The following PIPOX variants were observed in gnomAD, a reference collection of about 807,000 sequenced individuals.
PIPOX encodes the protein pipecolic acid and sarcosine oxidase, also known as peroxisomal sarcosine oxidase.
PIPOX carries 45 observed loss-of-function variants against 47.9 expected under a neutral mutation model. The ratio of observed to expected loss-of-function variants is 0.94; its 90% CI spans 0.74 to 1.20. The LOEUF (loss-of-function observed/expected upper bound fraction) is 1.20. Among genes scored for constraint, PIPOX ranks in the 50% most tolerant of loss-of-function variants. The pLI is 0.00. For missense variants in PIPOX, 458 were observed against 498.4 expected, an observed-to-expected ratio of 0.92 and a Z score of 0.77; for synonymous variants, 165 against 191.3, an observed-to-expected ratio of 0.86 and a Z score of 1.13.
chr17:29,053,493 G>A lies in PIPOX; in HGVS notation c.558G>A (p.Val186=), dbSNP rs747182687. The part of the protein sequence containing the change: ...VEINPGLLVT[V]KTTSRSYQAK... ...TAAACCCAGGGCTACTGGTCACGGT[G>A]AAAACCACCTCCAGGAGCTACCAAG... The change falls in exon 4 of 8, where the codon GTG becomes GTA. Residue 186 remains valine, a synonymous_variant. Transcript: ENST00000323372. 28 of 1,614,052 alleles carry A rather than the reference G, an allele frequency of 1.7e-5. No homozygotes were observed. The highest frequency in any genetic ancestry group is 2.2e-5 in the Non-Finnish European group (26 of 1,180,000).
chr17:29,053,723 A>G (rs546284224), intron 4 of PIPOX, 128 bp downstream of exon 4: 22 of 582,646 alleles, frequency 3.8e-5, no homozygotes, highest in Admixed American at 6.2e-5. Context: ...CACCTCACCG[A>G]GCCTCAGTTT....
chr17:29,046,368 A>G (rs1207756612), intron 2 of PIPOX, among the ~76,000 whole-genome samples: 1 of 152,158 alleles, frequency 6.6e-6, no homozygotes, highest in African/African-American at 2.4e-5. Context: ...AGTGTCTGGA[A>G]TCTTTCCGAG....
In PIPOX at chr17:29,044,892, G is replaced by A; in HGVS notation, c.148G>A (p.Gly50Arg). The change falls in exon 2 of 8, where the codon GGA becomes AGA. Residue 50 changes from glycine to arginine, a missense_variant. By Grantham distance (125) the Gly-to-Arg change is moderately radical (BLOSUM62 -2). Transcript: ENST00000323372. The part of the protein sequence containing the change: ...FLPHSRGSSH[G>R]QSRIIRKAYL... ...ACCACACTCCCGAGGAAGCTCCCAT[G>A]GACAAAGCCGGATAATCCGAAAGGC... The A allele has an allele frequency of 6.2e-7, 1 of 1,613,956 alleles. No individual in the cohort carries two copies. Among genetic ancestry groups the A allele is most frequent in the African/African-American group, 1.3e-5 (1 of 75,030 alleles).
Position 29,053,567 on chromosome 17 carries a change from GT to G in PIPOX, c.633del (p.Leu213TrpfsTer55). The G allele has an allele frequency of 6.2e-7, 1 of 1,601,358 alleles. No individual in the cohort carries two copies. Among genetic ancestry groups the G allele is most frequent in the Non-Finnish European group, 8.5e-7 (1 of 1,170,388 alleles). ...TAGPWTNQLL[R>X]PLGIEMPLQT... Reference sequence around the variant, plus strand: ...GGTCCTTGGACCAACCAGCTCCTCCGTCCCCTGGGCATTGAGATGCCTCTCC... The same window carrying G: ...GGTCCTTGGACCAACCAGCTCCTCCGCCCCTGGGCATTGAGATGCCTCTCC... On this transcript the variant is annotated frameshift_variant, in exon 4 of 8. Coordinates refer to ENST00000323372, the MANE Select transcript of PIPOX (RefSeq NM_016518.3). LOFTEE classifies it high-confidence loss of function.
rs1021198078 is a variant in PIPOX, at chr17:29,056,414, G to A, written c.*109G>A. On this transcript the variant is annotated 3_prime_UTR_variant, in exon 8 of 8. Coordinates refer to ENST00000323372, the MANE Select transcript of PIPOX (RefSeq NM_016518.3). ...AGATATCATCCTTTTCTTCTGCCTC[G>A]CCTGAATCCCCCATAAACACCAGAT... The A allele has an allele frequency of 3.8e-5, 49 of 1,295,228 alleles. No individual in the cohort carries two copies. Among genetic ancestry groups the A allele is most frequent in the African/African-American group, 2.8e-4 (19 of 67,982 alleles). 80.2% of individuals were successfully genotyped at this position (1,295,228 alleles called of 1,614,324 possible). A position where few individuals can be genotyped will look rare whatever the true frequency, so the allele number is the denominator to read the frequency against.
At chr17:29,050,980 G>A (rs554423979) in intron 2 of PIPOX, among the ~76,000 whole-genome samples, 1 of 152,066 alleles carries the variant, frequency 6.6e-6, no homozygotes, top group South Asian at 2.1e-4. Flanking sequence ...AAATGAGCCG[G>A]GTGTGGTGGT....
rs771623213 is a variant in PIPOX at position 29,053,020 on chromosome 17, T to G, written c.364T>G (p.Ser122Ala). 5 of 1,614,262 alleles carry G rather than the reference T, an allele frequency of 3.1e-6. No homozygotes were observed. The South Asian group carries it at 3.3e-5, about 11-fold the overall frequency. Reference sequence around the variant, plus strand: ...GAGGGTAGAACACCAGTGTCTTTCATCTGAGGAACTGAAGCAACGTTTCCC... The same window carrying G: ...GAGGGTAGAACACCAGTGTCTTTCAGCTGAGGAACTGAAGCAACGTTTCCC... ...RQRVEHQCLS[S>A]EELKQRFPNI... The change falls in exon 3 of 8, where the codon TCT becomes GCT. Residue 122 changes from serine (S) to alanine (A), a missense_variant. Physicochemically the swap from Ser to Ala is moderately conservative, Grantham distance 99. Transcript: ENST00000323372.
rs375113326 is a variant in PIPOX at position 29,052,959 on chromosome 17, A to G, written c.303A>G (p.Gln101=). 1 of 1,614,272 alleles carries G rather than the reference A, an allele frequency of 6.2e-7. No homozygotes were observed. Residue 101 remains glutamine (Q), a synonymous_variant, in exon 3 of 8, where the codon CAA becomes CAG. Coordinates refer to ENST00000323372, the MANE Select transcript of PIPOX (RefSeq NM_016518.3). ...TGCTGCTGGGAATGAAAGAGAATCA[A>G]GAATTAAAGACAATCCAGGCCAATC... ...GLLLLGMKEN[Q]ELKTIQANLS...
At chr17:29,056,139 G>A (rs2065827175) in intron 7 of PIPOX, 36 bp from the exon 8 acceptor site, 3 of 1,612,916 alleles carry the variant, frequency 1.9e-6, no homozygotes, top group Non-Finnish European at 2.5e-6. Flanking sequence ...ACCTCTGTCT[G>A]TGAAGCTGCC....
chr17:29,044,931 T>G lies in PIPOX; in HGVS notation c.187T>G (p.Phe63Val). 1 of 1,614,130 alleles carries G rather than the reference T, an allele frequency of 6.2e-7. No homozygotes were observed. Residue 63 changes from phenylalanine to valine, a missense_variant, in exon 2 of 8, where the codon TTT becomes GTT. Physicochemically the swap from Phe to Val is conservative, Grantham distance 50. Transcript: ENST00000323372. ...AATCCGAAAGGCGTACCTGGAAGAC[T>G]TTTACACCCGGATGATGCATGAGTG... ...RIIRKAYLEDFYTRMMHECYQ... is the reference protein window; with the variant it reads ...RIIRKAYLEDVYTRMMHECYQ...
intron 4 of PIPOX, 37 bp from the exon 5 acceptor site, chr17:29,054,508 C>A: frequency 6.2e-7 from 1 of 1,610,748 alleles, no homozygotes; most frequent in South Asian, 1.1e-5. Context: ...AGTTCCATGG[C>A]TTTTCTTCAT....
intron 6 of PIPOX, 115 bp from the exon 7 acceptor site, chr17:29,055,698 C>A: frequency 1.1e-6 from 1 of 888,464 alleles, no homozygotes; most frequent in Non-Finnish European, 1.9e-6. Context: ...CATCCTTGTG[C>A]CTCATTCCAT....
At chr17:29,054,731 G>A (rs2065820541) in intron 5 of PIPOX, 40 bp downstream of exon 5, 1 of 1,601,880 alleles carries the variant, frequency 6.2e-7, no homozygotes, top group Non-Finnish European at 8.5e-7. Context: ...AGATGCCAGT[G>A]CAGATTAGGG....
chr17:29,047,798 G>C (rs2065791277), intron 2 of PIPOX, among the ~76,000 whole-genome samples: 1 of 152,068 alleles, frequency 6.6e-6, no homozygotes, highest in Non-Finnish European at 1.5e-5. Context: ...GCTGGCCCTG[G>C]GTGTGGAAGA....
At position 29,045,403 on chromosome 17, in the gene PIPOX, CTTTTTTTTT is replaced by C. The variant is rs57047541; in HGVS notation, c.263+416_263+424del. 4.4e-3 allele frequency among the ~76,000 whole-genome samples: 225 copies of C among 50,994 alleles called. 1 individual carries two copies. The highest frequency in any genetic ancestry group is 0.025 in the South Asian group (25 of 1,008). The allele number at this position is 50,994 out of a possible 152,430, so 33.5% of individuals were successfully genotyped here. ...GGAGGAGGCTGCTTTCAGGAGGATT[CTTTTTTTTT>C]TTTTTTTTTTTTTTTTTTTGACAGA... On this transcript the variant is annotated intron_variant, in intron 2 of 7. Transcript: ENST00000323372.
chr17:29,051,203 C>T (rs957458092), intron 2 of PIPOX, among the ~76,000 whole-genome samples: 1 of 152,184 alleles, frequency 6.6e-6, no homozygotes, highest in African/African-American at 2.4e-5. Flanking sequence ...AGAAAAAAGA[C>T]AGTCAGCTGA....
rs764740547 is a variant in PIPOX at position 29,043,195 on chromosome 17, A to G, written c.-31A>G. 1.9e-6 allele frequency: 3 copies of G among 1,546,388 alleles called. No homozygotes were observed. The highest frequency in any genetic ancestry group is 1.8e-6 in the Non-Finnish European group (2 of 1,123,090). On this transcript the variant is annotated 5_prime_UTR_variant, in exon 1 of 8. Transcript: ENST00000323372. ...CTGTCTTTGCTTGCCTTTGCCTTTG[A>G]GGCTCTGTGGCTGTGGGGCTGAGTG...
intron 2 of PIPOX, among the ~76,000 whole-genome samples, chr17:29,049,032 A>G (rs1243512073): frequency 2.6e-5 from 4 of 152,182 alleles, no homozygotes; most frequent in African/African-American, 9.6e-5. Flanking sequence ...GTCCTGCTAC[A>G]GTAACTGGTG....
At chr17:29,046,441 T>G (rs1598236088) in intron 2 of PIPOX, among the ~76,000 whole-genome samples, 1 of 152,366 alleles carries the variant, frequency 6.6e-6, no homozygotes, top group East Asian at 1.9e-4. Flanking sequence ...ACACCAGTTG[T>G]GTGATCTTGG....
Sources: allele counts gnomAD v4.1 joint callset (sites outside exome capture counted in the v4.1 genomes callset), GRCh38; gene constraint gnomAD v4.1.1; transcripts MANE v1.5; gene names NCBI Gene and HGNC (gene_info 2026-07-23, HGNC 2026-07-21).